Variants in BFAR observed in about 807,000 individuals in gnomAD.
BFAR encodes bifunctional apoptosis regulator.
BFAR carries 52 observed loss-of-function variants against 54.4 expected under a neutral mutation model. The observed-to-expected ratio is 0.96, with a 90% CI of 0.77 to 1.21. The LOEUF is 1.21. Ranked by LOEUF, BFAR falls within the 50% of genes most tolerant of loss-of-function variation. The pLI is 0.00. For missense variants in BFAR, 571 were observed against 534.0 expected, an observed-to-expected ratio of 1.07 and a Z score of -0.68; for synonymous variants, 215 against 204.3, an observed-to-expected ratio of 1.05 and a Z score of -0.45.
chr16:14,654,965 T>C, intron 4 of BFAR, 101 bp from the exon 5 acceptor site: 1 of 1,258,356 alleles, frequency 7.9e-7, no homozygotes, highest in Non-Finnish European at 1.1e-6. Flanking sequence ...TCACCATACC[T>C]CAAGCCTACA....
At chr16:14,656,573 A>T (rs920385027) in intron 5 of BFAR, among the ~76,000 whole-genome samples, 1 of 152,040 alleles carries the variant, frequency 6.6e-6, no homozygotes, top group Non-Finnish European at 1.5e-5. Flanking sequence ...ACCAGCAAGT[A>T]CCTGCACCTC....
chr16:14,659,063 ATG>A (rs2151842949), intron 5 of BFAR, among the ~76,000 whole-genome samples: 1 of 151,170 alleles, frequency 6.6e-6, no homozygotes, highest in East Asian at 2.0e-4. Context: ...GTGCGCCTCC[ATG>A]CCAAGCTAAT....
chr16:14,668,850 AATC>A lies in BFAR; in HGVS notation c.*1027_*1029del, dbSNP rs1171373611. On this transcript the variant is annotated 3_prime_UTR_variant, in exon 8 of 8. Transcript: ENST00000261658. ...GACTCTGTCTTAAAAAAAAAAAAAAAATCATCTGTAAAATAAATTCCGGGATAG... is the reference window on the plus strand; with the variant it reads ...GACTCTGTCTTAAAAAAAAAAAAAAAATCTGTAAAATAAATTCCGGGATAG... The A allele has an allele frequency of 1.1e-5, 2 of 177,334 alleles. No individual in the cohort carries two copies. The highest frequency in any genetic ancestry group is 2.4e-5 in the Non-Finnish European group (2 of 82,098). 11.0% of individuals were successfully genotyped at this position (177,334 alleles called of 1,614,324 possible).
In BFAR at chr16:14,653,250, C is replaced by A. The variant is rs563844856; in HGVS notation, c.639-1816C>A. On this transcript the variant is annotated intron_variant, in intron 4 of 7. Coordinates refer to ENST00000261658, the MANE Select transcript of BFAR (RefSeq NM_016561.3). Reference sequence around the variant, plus strand: ...TTGCATATGCCTGTTAATAGCTCTCCGGCCAGCTTACAGTGATGTTTTTAA... The same window carrying A: ...TTGCATATGCCTGTTAATAGCTCTCAGGCCAGCTTACAGTGATGTTTTTAA... 2.0e-5 allele frequency among the ~76,000 whole-genome samples: 3 copies of A among 152,230 alleles called. No individual in the cohort carries two copies. The South Asian group carries it at 6.2e-4, about 32-fold the overall frequency.
chr16:14,633,934 T>A (rs1959349024), intron 1 of BFAR, among the ~76,000 whole-genome samples: 1 of 152,132 alleles, frequency 6.6e-6, no homozygotes, highest in South Asian at 2.1e-4. Context: ...ATTACAGGCG[T>A]GAGCCACCGC....
chr16:14,658,680 C>T (rs973756866), intron 5 of BFAR, among the ~76,000 whole-genome samples: 4 of 151,286 alleles, frequency 2.6e-5, no homozygotes, highest in Non-Finnish European at 5.9e-5. Context: ...TTGCAGTGAG[C>T]CAAGATTGTG....
chr16:14,654,409 A>G (rs1233798462), intron 4 of BFAR, among the ~76,000 whole-genome samples: 1 of 151,970 alleles, frequency 6.6e-6, no homozygotes, highest in Non-Finnish European at 1.5e-5. Flanking sequence ...GTCAGAGCGT[A>G]TAACTGAAAG....
intron 1 of BFAR, among the ~76,000 whole-genome samples, chr16:14,640,753 C>T (rs1959596786): frequency 6.6e-6 from 1 of 152,162 alleles, no homozygotes; most frequent in Non-Finnish European, 1.5e-5. Flanking sequence ...ACATTAACAC[C>T]CTCTTATCCC....
At chr16:14,646,872 C>A (rs1959812786) in intron 2 of BFAR, among the ~76,000 whole-genome samples, 1 of 152,128 alleles carries the variant, frequency 6.6e-6, no homozygotes, top group Non-Finnish European at 1.5e-5. Flanking sequence ...TCTTAGAATC[C>A]TTTCCTTTTT....
Position 14,661,836 on chromosome 16 carries a change from G to A in BFAR, c.784-56G>A, listed in dbSNP as rs1449331638. 30 of 1,582,878 alleles carry A rather than the reference G, an allele frequency of 1.9e-5. No homozygotes were observed. In the Admixed American group the frequency reaches 4.9e-4, roughly 26 times the overall value. On this transcript the variant is annotated intron_variant, in intron 5 of 7. Coordinates refer to ENST00000261658, the MANE Select transcript of BFAR (RefSeq NM_016561.3). ...CAAGCGAGAGATGGGAAGGAGCGTG[G>A]GTGGGTAGCTGGCCGCCATGGTTGT...
Position 14,669,163 on chromosome 16 carries a change from C to A in BFAR, c.*1336C>A. 1 of 346,682 alleles carries A rather than the reference C, an allele frequency of 2.9e-6. No homozygotes were observed. Among genetic ancestry groups the A allele is most frequent in the South Asian group, 2.1e-5 (1 of 48,076 alleles). The allele number at this position is 346,682 out of a possible 1,614,324, so 21.5% of individuals were successfully genotyped here. The stretch of plus-strand genomic sequence containing the variant: ...TTTGTATCTTTGAGTGAAAATTTTA[C>A]TCAAAAGTTGCATCTGGAAGTTCGA... On this transcript the variant is annotated 3_prime_UTR_variant, in exon 8 of 8. Coordinates refer to ENST00000261658, the MANE Select transcript of BFAR (RefSeq NM_016561.3).
chr16:14,648,461 G>A lies in BFAR; in HGVS notation c.337G>A (p.Val113Ile), dbSNP rs920419873. 6.2e-7 allele frequency: 1 copy of A among 1,613,736 alleles called. No homozygotes were observed. Among genetic ancestry groups the A allele is most frequent in the Non-Finnish European group, 8.5e-7 (1 of 1,179,738 alleles). The change falls in exon 3 of 8, where the codon GTC (valine) becomes ATC (isoleucine). Residue 113 changes from valine (V) to isoleucine (I), a missense_variant. Val to Ile is a conservative substitution (Grantham distance 29). Coordinates refer to ENST00000261658, the MANE Select transcript of BFAR (RefSeq NM_016561.3). ...AGACATTCAGCAGAATAATGACATA[G>A]TCCAAAGTCTTGCAGCCTTTCAGAA... Reference protein sequence around the residue: ...FEDIQQNNDIVQSLAAFQKYG... With the variant: ...FEDIQQNNDIIQSLAAFQKYG...
At chr16:14,665,246 G>C in intron 7 of BFAR, 175 bp downstream of exon 7, 1 of 641,836 alleles carries the variant, frequency 1.6e-6, no homozygotes, top group Middle Eastern at 4.3e-4. Context: ...CTGTGTTTTG[G>C]GGGTGGGGGT....
At position 14,655,187 on chromosome 16, in the gene BFAR, C is replaced by G. The variant is rs753679165; in HGVS notation, c.760C>G (p.Pro254Ala). 1.3e-6 allele frequency: 2 copies of G among 1,541,836 alleles called. No homozygotes were observed. Among genetic ancestry groups the G allele is most frequent in the Non-Finnish European group, 1.7e-6 (2 of 1,147,600 alleles). Residue 254 changes from proline (P) to alanine (A), a missense_variant, in exon 5 of 8, where the codon CCC (proline) becomes GCC (alanine). Transcript: ENST00000261658. ...ERVKALGVKP[P>A]QNLWEYKAVN... is the part of the protein sequence containing the mutation. Reference sequence around the variant, plus strand: ...TGTCAAAGCATTAGGCGTGAAGCCCCCCCAGAATCTCTGGGAATATAAGGT... The same window carrying G: ...TGTCAAAGCATTAGGCGTGAAGCCCGCCCAGAATCTCTGGGAATATAAGGT...
intron 4 of BFAR, among the ~76,000 whole-genome samples, chr16:14,651,318 T>C (rs1407568386): frequency 6.6e-6 from 1 of 152,172 alleles, no homozygotes; most frequent in African/African-American, 2.4e-5. Flanking sequence ...CACTGGTTTA[T>C]TATAAAGGAT....
rs566554201 is a variant in BFAR at position 14,641,764 on chromosome 16, G to A, written c.-73-2510G>A. Among the ~76,000 whole-genome samples the A allele has an allele frequency of 1.2e-4, 18 of 151,862 alleles. No individual in the cohort carries two copies. In the South Asian group the frequency reaches 2.7e-3, roughly 23 times the overall value. On this transcript the variant is annotated intron_variant, in intron 1 of 7. Transcript: ENST00000261658. ...TAATCCCAGCTACTTAGGAGGCTGA[G>A]GCAGGAGAATCGCTTGAACCCCAGG...
Position 14,661,900 on chromosome 16 carries a change from C to T in BFAR, c.792C>T (p.Asn264=). ...PQNLWEYKAV[N]PGRSLFLLYA... ...ACTCTTCTCCTCTGCAGGCTGTGAA[C>T]CCAGGCAGGTCCCTGTTCCTGCTAT... Residue 264 remains asparagine, a synonymous_variant, in exon 6 of 8, where the codon AAC becomes AAT. Transcript: ENST00000261658. 6.2e-7 allele frequency: 1 copy of T among 1,614,086 alleles called. No homozygotes were observed. The highest frequency in any genetic ancestry group is 8.5e-7 in the Non-Finnish European group (1 of 1,179,976).
At chr16:14,644,694 A>G in intron 2 of BFAR, 85 bp downstream of exon 2, 1 of 1,426,616 alleles carries the variant, frequency 7.0e-7, no homozygotes, top group South Asian at 1.3e-5. Flanking sequence ...TTTAACAGAG[A>G]TGGCGTCTCG....
Position 14,667,952 on chromosome 16 carries a change from A to G in BFAR, c.*125A>G. On this transcript the variant is annotated 3_prime_UTR_variant, in exon 8 of 8. Coordinates refer to ENST00000261658, the MANE Select transcript of BFAR (RefSeq NM_016561.3). ...TCAGTAAAACAAGGTGCTGCTTTGT[A>G]TATCAAAAGCTCCAACCATGTCCTC... The G allele has an allele frequency of 3.8e-6, 4 of 1,052,338 alleles. No homozygotes were observed. The highest frequency in any genetic ancestry group is 4.8e-5 in the East Asian group (2 of 41,428). 65.2% of individuals were successfully genotyped at this position (1,052,338 alleles called of 1,614,324 possible). A position where few individuals can be genotyped will look rare whatever the true frequency, so the allele number is the denominator to read the frequency against.
Sources: allele counts gnomAD v4.1 joint callset (sites outside exome capture counted in the v4.1 genomes callset), GRCh38; gene constraint gnomAD v4.1.1; transcripts MANE v1.5; gene names NCBI Gene and HGNC (gene_info 2026-07-23, HGNC 2026-07-21).